ZDHHC8: variants seen among roughly 807,000 people sequenced by gnomAD.
ZDHHC8 encodes the protein zDHHC palmitoyltransferase 8.
Under a neutral mutation model 61.2 loss-of-function variants are expected in ZDHHC8, and 24 were observed. That is an observed-to-expected ratio of 0.39 (90% CI 0.28 to 0.55). The LOEUF is 0.55. Ranked by LOEUF, ZDHHC8 falls within the 20% of genes least tolerant of loss-of-function variation. The probability of loss-of-function intolerance (pLI) is 0.60; values close to 1 mark genes in which losing one functional copy is unlikely to be tolerated. For synonymous variants in ZDHHC8, 523 were observed against 492.5 expected (o/e 1.06, Z -0.82); for missense variants, 935 against 1,102.1 (o/e 0.85, Z 2.15).
chr22:20,134,529 AG>A (rs1262765202), intron 1 of ZDHHC8, among the ~76,000 whole-genome samples: 1 of 152,226 alleles, frequency 6.6e-6, no homozygotes, highest in Non-Finnish European at 1.5e-5. Context: ...GAAGGGGAGC[AG>A]GTTGCTCTTG....
In ZDHHC8 at chr22:20,147,282, C is replaced by G; in HGVS notation, c.*1882C>G. Reference sequence around the variant, plus strand: ...GGCCCAGGACAGCCCAGCTGGGGACCCAGGAGGTCAGACTGCAGTGGACCC... The same window carrying G: ...GGCCCAGGACAGCCCAGCTGGGGACGCAGGAGGTCAGACTGCAGTGGACCC... On this transcript the variant is annotated 3_prime_UTR_variant, in exon 11 of 11. Coordinates refer to ENST00000334554, the MANE Select transcript of ZDHHC8 (RefSeq NM_013373.4). 1.4e-6 allele frequency: 2 copies of G among 1,395,794 alleles called. No individual in the cohort carries two copies. Among genetic ancestry groups the G allele is most frequent in the Non-Finnish European group, 1.9e-6 (2 of 1,073,032 alleles). 86.5% of individuals were successfully genotyped at this position (1,395,794 alleles called of 1,614,324 possible). A position where few individuals can be genotyped will look rare whatever the true frequency, so the allele number is the denominator to read the frequency against.
At chr22:20,136,298 A>G (rs1466243378) in intron 1 of ZDHHC8, among the ~76,000 whole-genome samples, 2 of 152,124 alleles carry the variant, frequency 1.3e-5, no homozygotes, top group Non-Finnish European at 2.9e-5. Context: ...GCCTGGACCC[A>G]GACTACTGCC....
chr22:20,147,298 C>G lies in ZDHHC8; in HGVS notation c.*1898C>G. ...GCTGGGGACCCAGGAGGTCAGACTGCAGTGGACCCTGGGGCAGGGCTGGGG... is the reference window on the plus strand; with the variant it reads ...GCTGGGGACCCAGGAGGTCAGACTGGAGTGGACCCTGGGGCAGGGCTGGGG... On this transcript the variant is annotated 3_prime_UTR_variant, in exon 11 of 11. Transcript: ENST00000334554. 7.3e-7 allele frequency: 1 copy of G among 1,362,434 alleles called. No individual in the cohort carries two copies. Among genetic ancestry groups the G allele is most frequent in the Non-Finnish European group, 9.6e-7 (1 of 1,045,568 alleles). The allele number at this position is 1,362,434 out of a possible 1,614,324, so 84.4% of individuals were successfully genotyped here. A position where few individuals can be genotyped will look rare whatever the true frequency, so the allele number is the denominator to read the frequency against.
chr22:20,138,854 C>T (rs902150331), intron 1 of ZDHHC8, among the ~76,000 whole-genome samples: 2 of 152,156 alleles, frequency 1.3e-5, no homozygotes, highest in Admixed American at 1.3e-4. Flanking sequence ...CACCTCCAGC[C>T]TGTGTACCGC....
At chr22:20,133,376 G>T (rs1442467859) in intron 1 of ZDHHC8, among the ~76,000 whole-genome samples, 1 of 152,114 alleles carries the variant, frequency 6.6e-6, no homozygotes, top group Non-Finnish European at 1.5e-5. Flanking sequence ...TTGGGCGGGG[G>T]GTCTGGCTTG....
intron 1 of ZDHHC8, among the ~76,000 whole-genome samples, chr22:20,135,219 A>G (rs2148002891): frequency 6.6e-6 from 1 of 152,046 alleles, no homozygotes; most frequent in African/African-American, 2.4e-5. Context: ...TGCTGGGATT[A>G]CATGTGTGAT....
intron 4 of ZDHHC8, 32 bp from the exon 5 acceptor site, chr22:20,140,083 C>T: frequency 6.2e-7 from 1 of 1,610,848 alleles, no homozygotes; most frequent in Non-Finnish European, 8.5e-7. Flanking sequence ...TCTGCGGTGT[C>T]CTGGCCTGCA....
chr22:20,132,145 G>T (rs926282110), intron 1 of ZDHHC8, 94 bp downstream of exon 1: 35 of 800,944 alleles, frequency 4.4e-5, no homozygotes, highest in Non-Finnish European at 5.2e-5. Flanking sequence ...GGCTGGCGGG[G>T]CCCCGGGCAG....
Position 20,131,972 on chromosome 22 carries a change from C to A in ZDHHC8, c.25C>A (p.Leu9Ile). Residue 9 changes from leucine to isoleucine, a missense_variant, in exon 1 of 11, where the codon CTC becomes ATC. Physicochemically the swap from Leu to Ile is conservative, Grantham distance 5. This residue lies in a region of ZDHHC8 where 44 missense variants were observed against 36.6 expected (regional missense o/e 1.20). Coordinates refer to ENST00000334554, the MANE Select transcript of ZDHHC8 (RefSeq NM_013373.4). ...GATGCCCCGCAGCCCCGGGACGCGC[C>A]TCAAACCCGCCAAGTACATCCCGGT... MPRSPGTR[L>I]KPAKYIPVAT... 7.5e-7 allele frequency: 1 copy of A among 1,337,988 alleles called. No homozygotes were observed. The allele number at this position is 1,337,988 out of a possible 1,614,324, so 82.9% of individuals were successfully genotyped here.
rs374017537 is a variant in ZDHHC8 at position 20,141,005 on chromosome 22, G to A, written c.887G>A (p.Arg296His). Residue 296 changes from arginine to histidine, a missense_variant, in exon 7 of 11, where the codon CGT becomes CAT. Coordinates refer to ENST00000334554, the MANE Select transcript of ZDHHC8 (RefSeq NM_013373.4). ...AACGGGCTGAAGGCTGGCCTGGGCC[G>A]TAGCAAGGTGGGCGCCTGGGCTTAG... ...SDNGLKAGLG[R>H]SKSKGSLDRL... 65 of 1,610,748 alleles carry A rather than the reference G, an allele frequency of 4.0e-5. No homozygotes were observed. Among genetic ancestry groups the A allele is most frequent in the East Asian group, 1.8e-4 (8 of 44,904 alleles).
At chr22:20,141,381 C>T (rs749353302) in intron 8 of ZDHHC8, 40 bp from the exon 9 acceptor site, 5 of 1,611,640 alleles carry the variant, frequency 3.1e-6, no homozygotes, top group South Asian at 2.2e-5. Context: ...ATGGGTTGAC[C>T]CTCCTCTGAC....
In ZDHHC8 at chr22:20,146,554, C is replaced by G. The variant is rs989111650; in HGVS notation, c.*1154C>G. ...CCCCAGAAGAGGGAGTGGCTGCTGT[C>G]TGGTGTGCAGGGGTCGGTGGGTTCC... On this transcript the variant is annotated 3_prime_UTR_variant, in exon 11 of 11. Coordinates refer to ENST00000334554, the MANE Select transcript of ZDHHC8 (RefSeq NM_013373.4). 1 of 991,572 alleles carries G rather than the reference C, an allele frequency of 1.0e-6. No individual in the cohort carries two copies. Among genetic ancestry groups the G allele is most frequent in the Non-Finnish European group, 1.2e-6 (1 of 834,434 alleles). 61.4% of individuals were successfully genotyped at this position (991,572 alleles called of 1,614,324 possible). A position where few individuals can be genotyped will look rare whatever the true frequency, so the allele number is the denominator to read the frequency against.
chr22:20,143,675 C>T lies in ZDHHC8; in HGVS notation c.2045C>T (p.Ser682Leu). 6.2e-7 allele frequency: 1 copy of T among 1,609,852 alleles called. No homozygotes were observed. Among genetic ancestry groups the T allele is most frequent in the Non-Finnish European group, 8.5e-7 (1 of 1,179,442 alleles). The change falls in exon 10 of 11, where the codon TCA becomes TTA. Residue 682 changes from serine (S) to leucine (L), a missense_variant. Coordinates refer to ENST00000334554, the MANE Select transcript of ZDHHC8 (RefSeq NM_013373.4). ...CCCTCCCCGCCCGGCACTCCCCACT[C>T]ACCATCCTACGCGGGCCCCAAAGCT... The part of the protein sequence containing the change: ...GLPSPPGTPH[S>L]PSYAGPKAVA...
rs1394671961 is a variant in ZDHHC8 at position 20,145,287 on chromosome 22, G to A, written c.2185G>A (p.Ala729Thr). ...GCTTAATGGGCAGTCCCCGGGCCTG[G>A]CCCGGCTGGGACCTGCCACCGGCCC... ...SKLNGQSPGL[A>T]RLGPATGPPG... is the part of the protein sequence containing the mutation. The change falls in exon 11 of 11, where the codon GCC (alanine) becomes ACC (threonine). Residue 729 changes from alanine (A) to threonine (T), a missense_variant. Physicochemically the swap from Ala to Thr is moderately conservative, Grantham distance 58 (BLOSUM62 0). This residue lies in a region of ZDHHC8 where 692 missense variants were observed against 731.4 expected (regional missense o/e 0.95). Coordinates refer to ENST00000334554, the MANE Select transcript of ZDHHC8 (RefSeq NM_013373.4). The A allele has an allele frequency of 6.3e-7, 1 of 1,583,542 alleles. No homozygotes were observed. The highest frequency in any genetic ancestry group is 8.6e-7 in the Non-Finnish European group (1 of 1,165,940).
At chr22:20,136,608 C>T (rs547607459) in intron 1 of ZDHHC8, among the ~76,000 whole-genome samples, 24 of 152,226 alleles carry the variant, frequency 1.6e-4, no homozygotes, top group African/African-American at 5.3e-4. Flanking sequence ...CCTGTGTTCA[C>T]GCGTGTTCAC....
chr22:20,145,579 C>T lies in ZDHHC8; in HGVS notation c.*179C>T, dbSNP rs896022733. The T allele has an allele frequency of 1.9e-4, 245 of 1,270,978 alleles. No individual in the cohort carries two copies. Among genetic ancestry groups the T allele is most frequent in the Non-Finnish European group, 2.4e-4 (242 of 1,007,714 alleles). 78.7% of individuals were successfully genotyped at this position (1,270,978 alleles called of 1,614,324 possible). On this transcript the variant is annotated 3_prime_UTR_variant, in exon 11 of 11. Coordinates refer to ENST00000334554, the MANE Select transcript of ZDHHC8 (RefSeq NM_013373.4). ...TGCCCCAAGCGCTCTGCCTGCCCGTCCACTCATCTGCCCATGGGGAAGTCG... is the reference window on the plus strand; with the variant it reads ...TGCCCCAAGCGCTCTGCCTGCCCGTTCACTCATCTGCCCATGGGGAAGTCG...
intron 1 of ZDHHC8, among the ~76,000 whole-genome samples, chr22:20,135,306 A>G (rs899123943): frequency 2.0e-5 from 3 of 152,048 alleles, no homozygotes; most frequent in Non-Finnish European, 4.4e-5. Flanking sequence ...ATACCATGGT[A>G]TAATGCTAGG....
intron 1 of ZDHHC8, among the ~76,000 whole-genome samples, chr22:20,132,858 C>T (rs1158363239): frequency 1.3e-5 from 2 of 152,368 alleles, no homozygotes; most frequent in Non-Finnish European, 1.5e-5. Flanking sequence ...AGGGCTCCTT[C>T]AGGCACAAGG....
chr22:20,140,829 G>A (rs1223290144), intron 6 of ZDHHC8, 42 bp from the exon 7 acceptor site: 1 of 1,598,740 alleles, frequency 6.3e-7, no homozygotes, highest in African/African-American at 1.3e-5. Flanking sequence ...TTGTGTGTTT[G>A]TGGCAGGTGG....
Sources: allele counts gnomAD v4.1 joint callset (sites outside exome capture counted in the v4.1 genomes callset), GRCh38; gene constraint gnomAD v4.1.1; regional missense constraint gnomAD v4.1.1; transcripts MANE v1.5; gene names NCBI Gene and HGNC (gene_info 2026-07-23, HGNC 2026-07-21).